The following NBEAL1 variants were observed in gnomAD, a reference collection of about 807,000 sequenced individuals.
NBEAL1 encodes the protein neurobeachin-like protein 1.
Under a neutral mutation model 351.3 loss-of-function variants are expected in NBEAL1, and 273 were observed. The ratio of observed to expected loss-of-function variants is 0.78; its 90% CI spans 0.70 to 0.86. The LOEUF is 0.86. Among genes scored for constraint, NBEAL1 ranks in the 40% least tolerant of loss-of-function variants. The pLI, the probability that NBEAL1 is intolerant of heterozygous loss-of-function variation, is 0.00. For missense variants in NBEAL1, 2,961 were observed against 3,201.3 expected, an observed-to-expected ratio of 0.92 and a Z score of 1.81; for synonymous variants, 1,050 against 1,086.4, an observed-to-expected ratio of 0.97 and a Z score of 0.66.
chr2:203,019,896 A>G (rs538660369), intron 2 of NBEAL1, among the ~76,000 whole-genome samples: 15 of 152,334 alleles, frequency 9.8e-5, no homozygotes, highest in Admixed American at 5.2e-4. Context: ...GAATTAAAAT[A>G]AATTACCAGT....
chr2:203,037,201 C>A (rs982045662), intron 2 of NBEAL1, among the ~76,000 whole-genome samples: 1 of 149,134 alleles, frequency 6.7e-6, no homozygotes, highest in Non-Finnish European at 1.5e-5. Flanking sequence ...TGGGAACATT[C>A]TTTTAGATTT....
intron 51 of NBEAL1, among the ~76,000 whole-genome samples, chr2:203,205,619 T>C (rs1393556153): frequency 6.6e-6 from 1 of 152,234 alleles, no homozygotes; most frequent in African/African-American, 2.4e-5. Context: ...TAAACCCACA[T>C]AGTTTATGGT....
chr2:203,157,830 G>GT lies in NBEAL1; in HGVS notation c.5714+6dup. On this transcript the variant is annotated splice_donor_region_variant and intron_variant, in intron 36 of 55. Coordinates refer to ENST00000683969, the MANE Select transcript of NBEAL1 (RefSeq NM_001378026.1). ...TATAACAGCTAGAGTAAATGTGTAT[G>GT]TATAAATATTTAAAATTATTTTGTT... 1 of 1,505,292 alleles carries GT rather than the reference G, an allele frequency of 6.6e-7. No homozygotes were observed. Among genetic ancestry groups the GT allele is most frequent in the Non-Finnish European group, 8.8e-7 (1 of 1,130,876 alleles). The allele number at this position is 1,505,292 out of a possible 1,614,324, so 93.2% of individuals were successfully genotyped here. A position where few individuals can be genotyped will look rare whatever the true frequency, so the allele number is the denominator to read the frequency against.
chr2:203,024,265 A>G (rs2060818419), intron 2 of NBEAL1, among the ~76,000 whole-genome samples: 1 of 152,018 alleles, frequency 6.6e-6, no homozygotes, highest in African/African-American at 2.4e-5. Flanking sequence ...GCAGTCAAGA[A>G]AAGTATTACG....
chr2:203,033,538 G>A (rs182939470), intron 2 of NBEAL1, among the ~76,000 whole-genome samples: 374 of 152,216 alleles, frequency 2.5e-3, no homozygotes, highest in Non-Finnish European at 3.9e-3. Flanking sequence ...TCTTTCTTCT[G>A]CAAATCTTTC....
chr2:203,032,631 A>G (rs181746947), intron 2 of NBEAL1, among the ~76,000 whole-genome samples: 346 of 144,428 alleles, frequency 2.4e-3, no homozygotes, highest in Non-Finnish European at 4.1e-3. Context: ...AAGAACAAAA[A>G]CCCAAAGAAA....
chr2:203,199,479 T>C, intron 49 of NBEAL1, 32 bp downstream of exon 49: 1 of 1,054,090 alleles, frequency 9.5e-7, no homozygotes, highest in South Asian at 1.3e-5. Context: ...GCAAAATAGC[T>C]ATACCAGATA....
chr2:203,047,229 A>C (rs931272277), intron 3 of NBEAL1, among the ~76,000 whole-genome samples: 8 of 150,608 alleles, frequency 5.3e-5, no homozygotes, highest in Admixed American at 5.3e-4. Flanking sequence ...CAAGAGCGAA[A>C]CTCCATCTCA....
In NBEAL1 at chr2:203,079,907, ATCT is replaced by A. The variant is rs1272441647; in HGVS notation, c.684+2074_684+2076del. Reference sequence around the variant, plus strand: ...AACTTATAGCTCTAGGGAACTTTTAATCTTCTAGCAGTAAGCAACTGCTACTTG... The same window carrying A: ...AACTTATAGCTCTAGGGAACTTTTAATCTAGCAGTAAGCAACTGCTACTTG... On this transcript the variant is annotated intron_variant, in intron 8 of 55. Coordinates refer to ENST00000683969, the MANE Select transcript of NBEAL1 (RefSeq NM_001378026.1). Among the ~76,000 whole-genome samples, 8 of 152,200 alleles carry A rather than the reference ATCT, an allele frequency of 5.3e-5. No homozygotes were observed. In the Middle Eastern group the frequency reaches 0.01, roughly 194 times the overall value.
Position 203,169,830 on chromosome 2 carries a change from C to G in NBEAL1, c.6081C>G (p.Phe2027Leu), listed in dbSNP as rs1458932582. 1 of 1,604,796 alleles carries G rather than the reference C, an allele frequency of 6.2e-7. No homozygotes were observed. Among genetic ancestry groups the G allele is most frequent in the African/African-American group, 1.3e-5 (1 of 74,542 alleles). ...GAAGCAGATCACCACAGGAGTTATT[C>G]AAAGCATCAGGATTGACACAGGTAG... ...YYGSRSPQEL[F>L]KASGLTQKWV... is the part of the protein sequence containing the mutation. Residue 2027 changes from phenylalanine to leucine, a missense_variant, in exon 39 of 56, where the codon TTC becomes TTG. Phe to Leu is a conservative substitution (Grantham distance 22). Coordinates refer to ENST00000683969, the MANE Select transcript of NBEAL1 (RefSeq NM_001378026.1).
At chr2:203,203,834 G>C (rs1210170421) in intron 51 of NBEAL1, among the ~76,000 whole-genome samples, 9 of 151,994 alleles carry the variant, frequency 5.9e-5, no homozygotes, top group Non-Finnish European at 1.3e-4. Flanking sequence ...CACTTAAAGT[G>C]TAATGTTCTC....
rs1348145028 is a variant in NBEAL1, at chr2:203,107,423, G to A, written c.1273G>A (p.Val425Ile). The A allele has an allele frequency of 6.6e-7, 1 of 1,512,058 alleles. No homozygotes were observed. The highest frequency in any genetic ancestry group is 2.5e-5 in the East Asian group (1 of 40,744). 93.7% of individuals were successfully genotyped at this position (1,512,058 alleles called of 1,614,324 possible). Residue 425 changes from valine to isoleucine, a missense_variant, in exon 13 of 56, where the codon GTA (valine) becomes ATA (isoleucine). Coordinates refer to ENST00000683969, the MANE Select transcript of NBEAL1 (RefSeq NM_001378026.1). ...ATATTGTCTTCCCATCCCCTAGGAAGTATTTAAAGAAAGAATTGGTTATAC... is the reference window on the plus strand; with the variant it reads ...ATATTGTCTTCCCATCCCCTAGGAAATATTTAAAGAAAGAATTGGTTATAC... ...VMNKSPAAKE[V>I]FKERIGYTHM...
rs894836583 is a variant in NBEAL1 at position 203,224,034 on chromosome 2, A to G, written c.*6680A>G. ...TTTATTTTTTCCTTTGGAAAGAATA[A>G]TTCTTTTGGAATTTTGGAATTTTGA... On this transcript the variant is annotated 3_prime_UTR_variant, in exon 56 of 56. Transcript: ENST00000683969. Among the ~76,000 whole-genome samples, 2 of 152,070 alleles carry G rather than the reference A, an allele frequency of 1.3e-5. No individual in the cohort carries two copies. The highest frequency in any genetic ancestry group is 4.8e-5 in the African/African-American group (2 of 41,458).
intron 19 of NBEAL1, among the ~76,000 whole-genome samples, chr2:203,122,981 C>T (rs2062860908): frequency 1.3e-5 from 2 of 151,988 alleles, no homozygotes; most frequent in African/African-American, 4.8e-5. Context: ...GTGAGAAAGG[C>T]TTAATTCTTA....
At chr2:203,151,394 A>G in intron 34 of NBEAL1, 71 bp from the exon 35 acceptor site, 1 of 1,145,070 alleles carries the variant, frequency 8.7e-7, no homozygotes, top group Non-Finnish European at 1.2e-6. Context: ...ACTTTTTTAC[A>G]TTATTTAAAT....
intron 3 of NBEAL1, among the ~76,000 whole-genome samples, chr2:203,047,737 T>G (rs2061251997): frequency 8.9e-6 from 1 of 111,944 alleles, no homozygotes; most frequent in South Asian, 3.6e-4. Context: ...TTCTATTTCT[T>G]TCTATTTTTT....
intron 26 of NBEAL1, 29 bp downstream of exon 26, chr2:203,132,161 A>C: frequency 7.5e-7 from 1 of 1,332,026 alleles, no homozygotes; most frequent in East Asian, 2.7e-5. Flanking sequence ...AAGCTAACAT[A>C]TTTAAGAAAT....
rs1161968276 is a variant in NBEAL1 at position 203,175,128 on chromosome 2, T to C, written c.6324-19T>C. ...CTTTATTATTGTGGTTTTAAAACTT[T>C]AGGATTTTTTCCCCACAGATATGAA... On this transcript the variant is annotated intron_variant, in intron 41 of 55. Coordinates refer to ENST00000683969, the MANE Select transcript of NBEAL1 (RefSeq NM_001378026.1). 3.8e-6 allele frequency: 6 copies of C among 1,599,358 alleles called. No homozygotes were observed. Among genetic ancestry groups the C allele is most frequent in the Admixed American group, 1.7e-5 (1 of 58,188 alleles).
intron 51 of NBEAL1, among the ~76,000 whole-genome samples, chr2:203,207,074 C>T (rs988193188): frequency 2.0e-5 from 3 of 150,282 alleles, no homozygotes; most frequent in Non-Finnish European, 3.0e-5. Flanking sequence ...CCCTGTCGCC[C>T]CGTCCGGGAT....
Sources: allele counts gnomAD v4.1 joint callset (sites outside exome capture counted in the v4.1 genomes callset), GRCh38; gene constraint gnomAD v4.1.1; transcripts MANE v1.5; gene names NCBI Gene and HGNC (gene_info 2026-07-23, HGNC 2026-07-21).